The following ARHGAP32 variants were observed in gnomAD, a reference collection of about 807,000 sequenced individuals.
ARHGAP32 encodes rho GTPase-activating protein 32.
In ARHGAP32, 51 loss-of-function variants were observed where a neutral mutation model predicts 186.5. The ratio of observed to expected loss-of-function variants is 0.27; its 90% CI spans 0.22 to 0.35. The LOEUF (loss-of-function observed/expected upper bound fraction) is 0.35. ARHGAP32 is among the 10% of genes least tolerant of loss of function. The pLI is 1.00. For synonymous variants in ARHGAP32, 950 were observed against 964.3 expected (o/e 0.99, Z 0.27); for missense variants, 2,186 against 2,623.5 (o/e 0.83, Z 3.64).
At chr11:129,147,408 T>C (rs1349449127) in intron 2 of ARHGAP32, among the ~76,000 whole-genome samples, 18 of 152,156 alleles carry the variant, frequency 1.2e-4, no homozygotes. Context: ...ACAGATTTAC[T>C]GAAGATTTAA....
chr11:129,068,631 C>T (rs769921116), intron 6 of ARHGAP32, among the ~76,000 whole-genome samples: 3 of 152,038 alleles, frequency 2.0e-5, no homozygotes, highest in Non-Finnish European at 2.9e-5. Context: ...TTTTAATTTA[C>T]ATTCCCTTGA....
intron 15 of ARHGAP32, among the ~76,000 whole-genome samples, chr11:128,982,280 G>A (rs1591496592): frequency 6.6e-6 from 1 of 152,020 alleles, no homozygotes; most frequent in Admixed American, 6.5e-5. Flanking sequence ...GGCATCAAGG[G>A]GAGAATATTT....
chr11:128,996,170 C>T (rs1361086820), intron 12 of ARHGAP32, among the ~76,000 whole-genome samples: 1 of 152,016 alleles, frequency 6.6e-6, no homozygotes, highest in Non-Finnish European at 1.5e-5. Flanking sequence ...TTCAAAATCG[C>T]CTAAAGATAC....
intron 2 of ARHGAP32, among the ~76,000 whole-genome samples, chr11:129,152,334 G>T (rs1266129542): frequency 6.6e-6 from 1 of 152,112 alleles, no homozygotes; most frequent in Non-Finnish European, 1.5e-5. Flanking sequence ...CAATCTTAGT[G>T]AAACTATTCC....
At chr11:128,973,852 C>T (rs549149808) in intron 21 of ARHGAP32, 147 of 540,564 alleles carry the variant, frequency 2.7e-4, no homozygotes, top group Non-Finnish European at 4.1e-4. Flanking sequence ...TCAAGAGCTA[C>T]GCAGTTGTGC....
At chr11:129,164,008 A>G (rs1943582781) in intron 2 of ARHGAP32, among the ~76,000 whole-genome samples, 1 of 152,080 alleles carries the variant, frequency 6.6e-6, no homozygotes, top group African/African-American at 2.4e-5. Context: ...AGATAAACAC[A>G]CTACTCACTC....
rs114683785 is a variant in ARHGAP32 at position 129,188,825 on chromosome 11, C to T, written c.116+3258G>A. Among the ~76,000 whole-genome samples the T allele has an allele frequency of 4.7e-3, 708 of 152,252 alleles. 10 individuals carry two copies. The highest frequency in any genetic ancestry group is 0.016 in the African/African-American group (680 of 41,536). The stretch of plus-strand genomic sequence containing the variant: ...ATCAGCGATCTGGGCATCTACAGAT[C>T]GTGATCAAAAATATGGTTCAATTAA... On this transcript the variant is annotated intron_variant, in intron 1 of 22. Transcript: ENST00000682385.
At chr11:129,214,006 G>A (rs1017590411) in intron 1 of ARHGAP32, among the ~76,000 whole-genome samples, 16 of 151,704 alleles carry the variant, frequency 1.1e-4, no homozygotes, top group African/African-American at 1.5e-4. Flanking sequence ...CGGAAAACCC[G>A]TAACTCCAGT....
At chr11:129,002,941 T>TG (rs1937601737) in intron 11 of ARHGAP32, among the ~76,000 whole-genome samples, 1 of 150,716 alleles carries the variant, frequency 6.6e-6, no homozygotes, top group African/African-American at 2.4e-5. Flanking sequence ...CCCGAGTAGC[T>TG]GGGACTACAG....
Position 128,978,922 on chromosome 11 carries a change from A to G in ARHGAP32, c.1977-7T>C, listed in dbSNP as rs746201372. The G allele has an allele frequency of 6.3e-7, 1 of 1,597,552 alleles. No homozygotes were observed. Among genetic ancestry groups the G allele is most frequent in the Non-Finnish European group, 8.5e-7 (1 of 1,175,376 alleles). On this transcript the variant is annotated splice_region_variant and splice_polypyrimidine_tract_variant and intron_variant, in intron 18 of 22. Coordinates refer to ENST00000682385, the MANE Select transcript of ARHGAP32 (RefSeq NM_001378024.1). Reference sequence around the variant, plus strand: ...CTTATTTTGAGGCCTCTTTCTATGAAAGAGAAAAAATAATCAACATTAAGA... The same window carrying G: ...CTTATTTTGAGGCCTCTTTCTATGAGAGAGAAAAAATAATCAACATTAAGA...
At chr11:129,173,165 G>C (rs752935195) in intron 1 of ARHGAP32, among the ~76,000 whole-genome samples, 1 of 151,932 alleles carries the variant, frequency 6.6e-6, no homozygotes, top group East Asian at 1.9e-4. Context: ...ACTACCATCA[G>C]AGAATACTAT....
At chr11:129,011,708 G>A (rs891415294) in intron 11 of ARHGAP32, among the ~76,000 whole-genome samples, 14 of 151,922 alleles carry the variant, frequency 9.2e-5, no homozygotes, top group African/African-American at 3.4e-4. Context: ...GCATTAATAG[G>A]GAATTGGTTG....
Position 128,972,801 on chromosome 11 carries a change from C to G in ARHGAP32, c.3705G>C (p.Val1235=). Residue 1235 remains valine, a synonymous_variant, in exon 22 of 23, where the codon GTG becomes GTC. Coordinates refer to ENST00000682385, the MANE Select transcript of ARHGAP32 (RefSeq NM_001378024.1). ...DQPPSYLGAS[V]DKLHHPLEFA... ...ATTCTAAAGGGTGATGGAGTTTATC[C>G]ACACTTGCACCAAGATAAGAAGGAG... is the stretch of plus-strand genomic sequence containing the variant. The G allele has an allele frequency of 6.2e-7, 1 of 1,613,850 alleles. No individual in the cohort carries two copies. Among genetic ancestry groups the G allele is most frequent in the South Asian group, 1.1e-5 (1 of 91,054 alleles).
At chr11:129,005,735 G>A (rs1281827013) in intron 11 of ARHGAP32, among the ~76,000 whole-genome samples, 1 of 152,044 alleles carries the variant, frequency 6.6e-6, no homozygotes, top group Non-Finnish European at 1.5e-5. Flanking sequence ...AGTCTTTTCT[G>A]GGTTAAATCT....
At chr11:129,235,807 G>A (rs1410975393) in intron 1 of ARHGAP32, among the ~76,000 whole-genome samples, 1 of 151,608 alleles carries the variant, frequency 6.6e-6, no homozygotes, top group East Asian at 1.9e-4. Flanking sequence ...TGAGAATATA[G>A]GCTATTTAGT....
intron 11 of ARHGAP32, among the ~76,000 whole-genome samples, chr11:129,026,314 C>T (rs1938844669): frequency 6.6e-6 from 1 of 152,124 alleles, no homozygotes; most frequent in Non-Finnish European, 1.5e-5. Context: ...ATATAATTGA[C>T]TGAAAAGATG....
intron 5 of ARHGAP32, among the ~76,000 whole-genome samples, chr11:129,103,369 A>G (rs1263834763): frequency 1.3e-5 from 2 of 152,172 alleles, no homozygotes; most frequent in East Asian, 3.9e-4. Flanking sequence ...CTAAGAGAAA[A>G]AAAGAATAAA....
chr11:129,273,384 G>A (rs897804107), intron 1 of ARHGAP32, among the ~76,000 whole-genome samples: 1 of 152,082 alleles, frequency 6.6e-6, no homozygotes, highest in Non-Finnish European at 1.5e-5. Flanking sequence ...TAATCTGGAG[G>A]GCCACTGAAT....
chr11:129,105,336 G>C (rs1942019012), intron 5 of ARHGAP32, among the ~76,000 whole-genome samples: 1 of 152,136 alleles, frequency 6.6e-6, no homozygotes, highest in African/African-American at 2.4e-5. Context: ...GAAGTCCCTA[G>C]GTTTTCACCT....
Sources: gnomAD v4.1 joint callset for allele counts (sites outside exome capture counted in the v4.1 genomes callset) on GRCh38, gnomAD v4.1.1 for gene constraint, MANE v1.5 for transcripts, NCBI Gene and HGNC (gene_info 2026-07-23, HGNC 2026-07-21) for gene names.